FSTL4: variants seen among roughly 807,000 people sequenced by gnomAD.
The protein encoded by FSTL4 is follistatin like 4, also known as follistatin-related protein 4.
A neutral mutation model predicts 78.2 loss-of-function variants in FSTL4; 28 were observed. The observed-to-expected ratio is 0.36, with a 90% CI of 0.27 to 0.49. The LOEUF (loss-of-function observed/expected upper bound fraction) is 0.49. FSTL4 is among the 20% of genes least tolerant of loss of function. The pLI, the probability that FSTL4 is intolerant of heterozygous loss-of-function variation, is 0.98. For missense variants in FSTL4, 922 were observed against 1,084.9 expected, an observed-to-expected ratio of 0.85 and a Z score of 2.11; for synonymous variants, 422 against 440.5, an observed-to-expected ratio of 0.96 and a Z score of 0.53.
In FSTL4 at chr5:133,611,107, G is replaced by C. The variant is rs1761079602; in HGVS notation, c.-11+1218C>G. ...CGGCGGAAGCGACACCTAGAGGGGA[G>C]CGGCGGGCTGTGGCCGCGCCATTCA... On this transcript the variant is annotated intron_variant, in intron 1 of 15. Coordinates refer to ENST00000265342, the MANE Select transcript of FSTL4 (RefSeq NM_015082.2). The surrounding 1 kb of genome is among the most constrained non-coding windows in gnomAD (Gnocchi z 4.9). Among the ~76,000 whole-genome samples the C allele has an allele frequency of 6.6e-6, 1 of 152,152 alleles. No homozygotes were observed. Among genetic ancestry groups the C allele is most frequent in the African/African-American group, 2.4e-5 (1 of 41,456 alleles).
intron 3 of FSTL4, among the ~76,000 whole-genome samples, chr5:133,472,071 G>A (rs751535789): frequency 2.0e-5 from 3 of 152,164 alleles, no homozygotes; most frequent in Non-Finnish European, 2.9e-5. Flanking sequence ...CAGAATTACC[G>A]TGTGGAGCAG....
At chr5:133,743,560 T>A in the FSTL4 span, among the ~76,000 whole-genome samples, 1 of 152,176 alleles carries the variant, frequency 6.6e-6, no homozygotes, top group East Asian at 1.9e-4. Context: ...TTTCAGGGAT[T>A]TGTGCAAAAA....
intron 4 of FSTL4, 149 bp from the exon 5 acceptor site, chr5:133,316,801 G>C: frequency 1.7e-6 from 1 of 596,756 alleles, no homozygotes; most frequent in South Asian, 2.3e-5. Flanking sequence ...GATGGGACTT[G>C]TTTGTGTTCT....
chr5:133,557,285 G>T (rs192243821), intron 3 of FSTL4, among the ~76,000 whole-genome samples: 15 of 152,198 alleles, frequency 9.9e-5, no homozygotes, highest in Non-Finnish European at 1.9e-4. Context: ...CCCCTGAAAC[G>T]CTAGGTGAAT....
chr5:133,297,437 T>A (rs1019252511), intron 6 of FSTL4, among the ~76,000 whole-genome samples: 1 of 152,098 alleles, frequency 6.6e-6, no homozygotes, highest in Non-Finnish European at 1.5e-5. Context: ...GCTGGAGCCA[T>A]CATGCATGGG....
intron 4 of FSTL4, among the ~76,000 whole-genome samples, chr5:133,392,053 A>G (rs1197561245): frequency 6.6e-6 from 1 of 152,212 alleles, no homozygotes; most frequent in Non-Finnish European, 1.5e-5. Flanking sequence ...CGAGCAGGAC[A>G]GCACCATGGT....
intron 3 of FSTL4, among the ~76,000 whole-genome samples, chr5:133,459,167 C>G (rs1001988832): frequency 3.9e-5 from 6 of 152,152 alleles, no homozygotes; most frequent in African/African-American, 1.4e-4. Flanking sequence ...ACTGTTTTTC[C>G]CCATTTCCTT....
At chr5:133,552,632 G>C (rs1177898146) in intron 3 of FSTL4, among the ~76,000 whole-genome samples, 1 of 152,166 alleles carries the variant, frequency 6.6e-6, no homozygotes, top group Non-Finnish European at 1.5e-5. Context: ...ATCAAAATAT[G>C]GCTGCAGGCT....
At chr5:133,394,769 CTGCAGCCCGG>C (rs1464258729) in intron 4 of FSTL4, among the ~76,000 whole-genome samples, 9 of 152,252 alleles carry the variant, frequency 5.9e-5, no homozygotes, top group African/African-American at 2.2e-4. Flanking sequence ...GCAGCTCCAC[CTGCAGCCCGG>C]TGAGGGATCC....
intron 6 of FSTL4, among the ~76,000 whole-genome samples, chr5:133,266,100 C>T (rs2126840979): frequency 6.6e-6 from 1 of 152,376 alleles, no homozygotes; most frequent in South Asian, 2.1e-4. Context: ...CCGAATCCCA[C>T]TGCCTGAGCC....
chr5:133,438,016 T>C (rs190744755), intron 3 of FSTL4, among the ~76,000 whole-genome samples: 8 of 152,312 alleles, frequency 5.3e-5, no homozygotes, highest in African/African-American at 1.9e-4. Context: ...TCTAATTATA[T>C]ATACTTAATT....
At chr5:133,419,309 A>G (rs11741385) in intron 3 of FSTL4, among the ~76,000 whole-genome samples, 30,050 of 151,968 alleles carry the variant, frequency 0.2, 3,050 homozygotes, top group Non-Finnish European at 0.23. Flanking sequence ...TAGTAGAGAC[A>G]GGGTTTCACC....
intron 3 of FSTL4, among the ~76,000 whole-genome samples, chr5:133,524,775 C>G (rs1759057254): frequency 6.6e-6 from 1 of 152,226 alleles, no homozygotes; most frequent in Admixed American, 6.5e-5. Flanking sequence ...CCATGGGCCT[C>G]TGCACACAAA....
chr5:133,635,854 T>C, the FSTL4 span, among the ~76,000 whole-genome samples: 2 of 152,212 alleles, frequency 1.3e-5, no homozygotes, highest in South Asian at 4.1e-4. Context: ...CACTCCTTTC[T>C]CTTCCCCTAG....
intron 8 of FSTL4, among the ~76,000 whole-genome samples, chr5:133,226,882 C>T (rs531160963): frequency 2.2e-4 from 34 of 152,174 alleles, no homozygotes; most frequent in Middle Eastern, 3.4e-3. Context: ...GTGTGGATCC[C>T]GGGACCTGAG....
At chr5:133,561,864 G>C in intron 3 of FSTL4, among the ~76,000 whole-genome samples, 1 of 152,236 alleles carries the variant, frequency 6.6e-6, no homozygotes, top group East Asian at 1.9e-4. Flanking sequence ...AGGACACATC[G>C]GCTAGGTGCA....
chr5:133,461,785 TAA>T (rs1757599248), intron 3 of FSTL4, among the ~76,000 whole-genome samples: 1 of 152,242 alleles, frequency 6.6e-6, no homozygotes, highest in Non-Finnish European at 1.5e-5. Context: ...GCCTGCGTAA[TAA>T]GTCTCATAAG....
chr5:133,206,606 T>G (rs1053118255), intron 14 of FSTL4, among the ~76,000 whole-genome samples: 3 of 152,042 alleles, frequency 2.0e-5, no homozygotes, highest in Non-Finnish European at 2.9e-5. Flanking sequence ...AGGTGATTCA[T>G]CCACCTCGGC....
intron 3 of FSTL4, among the ~76,000 whole-genome samples, chr5:133,545,899 C>T (rs1304989561): frequency 1.3e-5 from 2 of 152,208 alleles, no homozygotes; most frequent in Non-Finnish European, 2.9e-5. Context: ...AAAGGCCACT[C>T]TGACAAGGTC....
Sources: allele counts gnomAD v4.1 joint callset (sites outside exome capture counted in the v4.1 genomes callset), GRCh38; gene constraint gnomAD v4.1.1; non-coding constraint Gnocchi (gnomAD v3.1); transcripts MANE v1.5; gene names NCBI Gene and HGNC (gene_info 2026-07-23, HGNC 2026-07-21).